The following PKNOX2 variants were observed in gnomAD, a reference collection of about 807,000 sequenced individuals.
PKNOX2 encodes the protein PBX/knotted 1 homeobox 2, also known as homeobox protein PKNOX2.
In PKNOX2, 14 loss-of-function variants were observed where a neutral mutation model predicts 53.1. The observed-to-expected ratio is 0.26, with a 90% CI of 0.17 to 0.41. The LOEUF (loss-of-function observed/expected upper bound fraction) is 0.41. Among genes scored for constraint, PKNOX2 ranks in the 10% least tolerant of loss-of-function variants. PKNOX2 has a pLI of 1.00. For missense variants in PKNOX2, 496 were observed against 602.8 expected (o/e 0.82, Z 1.85); for synonymous variants, 257 against 242.8 (o/e 1.06, Z -0.54).
chr11:125,178,985 G>A (rs1264814331), intron 1 of PKNOX2, among the ~76,000 whole-genome samples: 2 of 152,064 alleles, frequency 1.3e-5, no homozygotes, highest in Non-Finnish European at 2.9e-5. Context: ...TGTCGGGCTC[G>A]GATGGCGCAG....
At chr11:125,254,598 T>C (rs1944270625) in intron 2 of PKNOX2, among the ~76,000 whole-genome samples, 1 of 152,238 alleles carries the variant, frequency 6.6e-6, no homozygotes, top group Non-Finnish European at 1.5e-5. Context: ...TGGCTTGTTT[T>C]GAATACCTGT....
intron 2 of PKNOX2, chr11:125,287,959 G>A (rs1462317076): frequency 1.3e-5 from 2 of 152,244 alleles, no homozygotes; most frequent in Non-Finnish European, 2.9e-5. Flanking sequence ...GGCCACCCAG[G>A]GGGCAGAGGG....
Position 125,248,461 on chromosome 11 carries a change from C to T in PKNOX2, c.-130+13346C>T, listed in dbSNP as rs376017146. ...ATTGGAATAAGAGAAGAAAATCTTG[C>T]GACTTTACTTATTTGTATTTTTAAA... On this transcript the variant is annotated intron_variant, in intron 2 of 12. Coordinates refer to ENST00000298282, the MANE Select transcript of PKNOX2 (RefSeq NM_001382323.2). 2.2e-4 allele frequency among the ~76,000 whole-genome samples: 34 copies of T among 152,046 alleles called. 1 individual carries two copies. The highest frequency in any genetic ancestry group is 1.8e-3 in the Admixed American group (28 of 15,254).
chr11:125,203,249 C>T (rs1233024152), intron 1 of PKNOX2, among the ~76,000 whole-genome samples: 1 of 152,176 alleles, frequency 6.6e-6, no homozygotes, highest in African/African-American at 2.4e-5. Flanking sequence ...TCGCGAGTAG[C>T]TCAGACCACA....
intron 7 of PKNOX2, among the ~76,000 whole-genome samples, chr11:125,399,448 C>A (rs745910389): frequency 1.3e-5 from 2 of 152,126 alleles, no homozygotes; most frequent in African/African-American, 2.4e-5. Flanking sequence ...GGTGACGCTG[C>A]GCAGTCCCGG....
At chr11:125,259,151 CCTGGATGATT>C (rs1424301652) in intron 2 of PKNOX2, 1 of 153,040 alleles carries the variant, frequency 6.5e-6, no homozygotes, top group Non-Finnish European at 1.5e-5. Flanking sequence ...GTGAATTTTT[CCTGGATGATT>C]CTGGAGGTTC....
At chr11:125,198,375 C>A (rs925030633) in intron 1 of PKNOX2, among the ~76,000 whole-genome samples, 2 of 152,188 alleles carry the variant, frequency 1.3e-5, no homozygotes, top group Non-Finnish European at 2.9e-5. Context: ...CGACACCACA[C>A]CCCATCAATC....
At chr11:125,210,056 C>T (rs1186630408) in intron 1 of PKNOX2, among the ~76,000 whole-genome samples, 5 of 152,246 alleles carry the variant, frequency 3.3e-5, no homozygotes, top group East Asian at 1.9e-4. Flanking sequence ...CAGGTCATCT[C>T]TCTGGCAGCA....
At chr11:125,191,840 T>G (rs1029042911) in intron 1 of PKNOX2, among the ~76,000 whole-genome samples, 3 of 152,210 alleles carry the variant, frequency 2.0e-5, no homozygotes, top group Admixed American at 2.0e-4. Flanking sequence ...CTTTTCAACT[T>G]TAATAAGGTG....
intron 2 of PKNOX2, among the ~76,000 whole-genome samples, chr11:125,267,876 G>A (rs1191551502): frequency 1.3e-5 from 2 of 152,232 alleles, no homozygotes; most frequent in Non-Finnish European, 2.9e-5. Flanking sequence ...GGCCTGATGA[G>A]AACAAGGCGC....
At chr11:125,346,085 G>T (rs549289998) in intron 3 of PKNOX2, among the ~76,000 whole-genome samples, 1 of 151,738 alleles carries the variant, frequency 6.6e-6, no homozygotes, top group Non-Finnish European at 1.5e-5. Context: ...GCAGCTTTTC[G>T]GTCCCTCCTG....
chr11:125,289,792 A>T (rs1947186568), intron 2 of PKNOX2, among the ~76,000 whole-genome samples: 1 of 152,182 alleles, frequency 6.6e-6, no homozygotes, highest in South Asian at 2.1e-4. Context: ...TCTAAAAAAA[A>T]AATTGCTGCT....
At position 125,178,645 on chromosome 11, in the gene PKNOX2, A is replaced by AAGGAAG. The variant is rs1955913784; in HGVS notation, c.-201+13869_-201+13870insAGGAAG. On this transcript the variant is annotated intron_variant, in intron 1 of 12. Transcript: ENST00000298282. The stretch of plus-strand genomic sequence containing the variant: ...AAGAAAGAAAGAAAGAAAGAAAGAA[A>AAGGAAG]GAAGGAAGGAAGGAAGGAAGGAAGG... Among the ~76,000 whole-genome samples, 19 of 28,592 alleles carry AAGGAAG rather than the reference A, an allele frequency of 6.6e-4. 1 individual carries two copies. The highest frequency in any genetic ancestry group is 1.2e-3 in the Admixed American group (3 of 2,572). The allele number at this position is 28,592 out of a possible 152,430, so 18.8% of individuals were successfully genotyped here. A position where few individuals can be genotyped will look rare whatever the true frequency, so the allele number is the denominator to read the frequency against.
chr11:125,239,342 T>C (rs1942978410), intron 2 of PKNOX2, among the ~76,000 whole-genome samples: 1 of 152,132 alleles, frequency 6.6e-6, no homozygotes, highest in Admixed American at 6.5e-5. Context: ...ATGCCCGCTT[T>C]CCAGAGACCT....
At chr11:125,278,217 T>TAAA (rs530102994) in intron 2 of PKNOX2, among the ~76,000 whole-genome samples, 92 of 82,824 alleles carry the variant, frequency 1.1e-3, no homozygotes, top group African/African-American at 3.6e-3. Flanking sequence ...AGACCCTGTC[T>TAAA]AAAAAAAAAA....
At chr11:125,167,867 GACAATGAGA>G (rs1461510642) in intron 1 of PKNOX2, among the ~76,000 whole-genome samples, 1 of 152,150 alleles carries the variant, frequency 6.6e-6, no homozygotes, top group African/African-American at 2.4e-5. Flanking sequence ...GGTGCCATGT[GACAATGAGA>G]ATTAATAAAA....
At chr11:125,405,029 C>T (rs1472564825) in intron 7 of PKNOX2, among the ~76,000 whole-genome samples, 1 of 152,190 alleles carries the variant, frequency 6.6e-6, no homozygotes, top group African/African-American at 2.4e-5. Flanking sequence ...GTGGTCTGAG[C>T]CGGTGGATCA....
intron 4 of PKNOX2, 34 bp downstream of exon 4, chr11:125,351,426 G>GT: frequency 7.3e-7 from 1 of 1,370,144 alleles, no homozygotes; most frequent in Non-Finnish European, 1.0e-6. Context: ...TCCCACCACG[G>GT]GGGAGGGAGT....
intron 6 of PKNOX2, among the ~76,000 whole-genome samples, chr11:125,387,075 C>T (rs1300661447): frequency 6.6e-6 from 1 of 152,206 alleles, no homozygotes; most frequent in Non-Finnish European, 1.5e-5. Context: ...GGAGGCAGGC[C>T]ATTGTCTCTC....
Sources: gnomAD v4.1 joint callset for allele counts (sites outside exome capture counted in the v4.1 genomes callset) on GRCh38, gnomAD v4.1.1 for gene constraint, MANE v1.5 for transcripts, NCBI Gene and HGNC (gene_info 2026-07-23, HGNC 2026-07-21) for gene names.